The following CDC27 variants were observed in gnomAD, a reference collection of about 807,000 sequenced individuals.
CDC27 encodes cell division cycle 27.
In CDC27, 27 loss-of-function variants were observed where a neutral mutation model predicts 109.7. The ratio of observed to expected loss-of-function variants is 0.25; its 90% CI spans 0.18 to 0.34. The LOEUF is 0.34. Among genes scored for constraint, CDC27 ranks in the 10% least tolerant of loss-of-function variants. The pLI, the probability that CDC27 is intolerant of heterozygous loss-of-function variation, is 1.00. For missense variants in CDC27, 579 were observed against 960.2 expected, an observed-to-expected ratio of 0.60 and a Z score of 5.25; for synonymous variants, 266 against 333.9, an observed-to-expected ratio of 0.80 and a Z score of 2.22.
At chr17:47,159,623 A>G (rs1341763580) in intron 4 of CDC27, 2 of 463,424 alleles carry the variant, frequency 4.3e-6, no homozygotes, top group Non-Finnish European at 7.8e-6. Context: ...GGCCCTGCAG[A>G]TGGCAGTGGC....
chr17:47,128,483 G>A (rs1285196174), intron 16 of CDC27, among the ~76,000 whole-genome samples: 1 of 152,120 alleles, frequency 6.6e-6, no homozygotes, highest in South Asian at 2.1e-4. Flanking sequence ...ATTTGAAAAA[G>A]AGTGAGAAGT....
In CDC27 at chr17:47,120,768, G is replaced by T; in HGVS notation, c.*167C>A. 3 of 532,450 alleles carry T rather than the reference G, an allele frequency of 5.6e-6. No individual in the cohort carries two copies. Among genetic ancestry groups the T allele is most frequent in the Non-Finnish European group, 6.8e-6 (2 of 295,956 alleles). 33.0% of individuals were successfully genotyped at this position (532,450 alleles called of 1,614,324 possible). ...CTTGTTAGCAGCTAAATATTGCACT[G>T]CCTTTCATTCTGTATACAGTCAGGG... is the stretch of plus-strand genomic sequence containing the variant. On this transcript the variant is annotated 3_prime_UTR_variant, in exon 19 of 19. Coordinates refer to ENST00000066544, the MANE Select transcript of CDC27 (RefSeq NM_001256.6).
chr17:47,177,857 T>TACACAC (rs34596516), intron 2 of CDC27, among the ~76,000 whole-genome samples: 30 of 150,280 alleles, frequency 2.0e-4, no homozygotes, highest in Non-Finnish European at 2.4e-4. Flanking sequence ...TATGTGTGTG[T>TACACAC]ACACACACAC....
chr17:47,169,934 C>T lies in CDC27; in HGVS notation c.360G>A (p.Leu120=), dbSNP rs1326884033. 1 of 1,594,868 alleles carries T rather than the reference C, an allele frequency of 6.3e-7. No individual in the cohort carries two copies. The highest frequency in any genetic ancestry group is 8.5e-7 in the Non-Finnish European group (1 of 1,173,274). ...TTACTTACCAATATACATGTCCCAA[C>T]AATGAAAGAGTAAAGCAAGCTGAAT... is the stretch of plus-strand genomic sequence containing the variant. ...FGDSACFTLS[L]LGHVYCKTDR... Residue 120 remains leucine, a synonymous_variant, in exon 4 of 19, where the codon TTG becomes TTA. Coordinates refer to ENST00000066544, the MANE Select transcript of CDC27 (RefSeq NM_001256.6).
chr17:47,164,344 T>C (rs966538393), intron 4 of CDC27, among the ~76,000 whole-genome samples: 1 of 152,244 alleles, frequency 6.6e-6, no homozygotes, highest in Non-Finnish European at 1.5e-5. Flanking sequence ...CATGACTGTA[T>C]AACATATTTG....
intron 9 of CDC27, among the ~76,000 whole-genome samples, chr17:47,147,227 C>T (rs1330123125): frequency 2.6e-5 from 4 of 151,258 alleles, no homozygotes; most frequent in Admixed American, 1.3e-4. Context: ...GGTGAAACCC[C>T]GTCTCTACTA....
Position 47,181,650 on chromosome 17 carries a change from GA to G in CDC27, c.28-14del. 1.3e-6 allele frequency: 2 copies of G among 1,542,194 alleles called. No individual in the cohort carries two copies. Among genetic ancestry groups the G allele is most frequent in the Non-Finnish European group, 1.8e-6 (2 of 1,119,692 alleles). The stretch of plus-strand genomic sequence containing the variant: ...GCCATATAGCAGCCTGCAAATGGAG[GA>G]AAAAGAACATAAATATACATACATA... On this transcript the variant is annotated splice_polypyrimidine_tract_variant and intron_variant, in intron 1 of 18. Transcript: ENST00000066544.
At chr17:47,140,178 A>AT (rs2062752263) in intron 12 of CDC27, among the ~76,000 whole-genome samples, 1 of 152,188 alleles carries the variant, frequency 6.6e-6, no homozygotes, top group Non-Finnish European at 1.5e-5. Context: ...TAAAAGTTAT[A>AT]AAGGTAAGTG....
chr17:47,156,392 T>C (rs2063307024), intron 7 of CDC27, among the ~76,000 whole-genome samples: 1 of 151,812 alleles, frequency 6.6e-6, no homozygotes, highest in East Asian at 1.9e-4. Context: ...CCCACCTTGG[T>C]CTCCCAAAGT....
rs1473952577 is a variant in CDC27 at position 47,189,274 on chromosome 17, C to CG, written c.-103dup. ...ATTTAAACTCACCAGCGACCGTTACCGGGGGATGGGGGAGGCCGAGCGATT... is the reference window on the plus strand; with the variant it reads ...ATTTAAACTCACCAGCGACCGTTACCGGGGGGATGGGGGAGGCCGAGCGATT... On this transcript the variant is annotated 5_prime_UTR_variant, in exon 1 of 19. Coordinates refer to ENST00000066544, the MANE Select transcript of CDC27 (RefSeq NM_001256.6). 7 of 906,330 alleles carry CG rather than the reference C, an allele frequency of 7.7e-6. No individual in the cohort carries two copies. The South Asian group carries it at 8.0e-5, about 10-fold the overall frequency. The allele number at this position is 906,330 out of a possible 1,614,324, so 56.1% of individuals were successfully genotyped here. A position where few individuals can be genotyped will look rare whatever the true frequency, so the allele number is the denominator to read the frequency against.
chr17:47,176,007 G>A (rs1248575371), intron 2 of CDC27, among the ~76,000 whole-genome samples: 1 of 151,934 alleles, frequency 6.6e-6, no homozygotes, highest in Admixed American at 6.6e-5. Flanking sequence ...TTTTCATCCG[G>A]TAAGGACTAT....
At chr17:47,162,905 A>T (rs771618415) in intron 4 of CDC27, among the ~76,000 whole-genome samples, 13 of 152,240 alleles carry the variant, frequency 8.5e-5, no homozygotes, top group African/African-American at 3.1e-4. Context: ...TATAAATCAC[A>T]TAAGAGCTAA....
At chr17:47,160,864 A>G (rs1240609237) in intron 4 of CDC27, among the ~76,000 whole-genome samples, 1 of 152,210 alleles carries the variant, frequency 6.6e-6, no homozygotes, top group Non-Finnish European at 1.5e-5. Context: ...TTTTCAAGTG[A>G]GTAAAAACTA....
Position 47,133,028 on chromosome 17 carries a change from TACACACAC to T in CDC27, c.1914-662_1914-655del, listed in dbSNP as rs71138587. Among the ~76,000 whole-genome samples, 39 of 29,828 alleles carry T rather than the reference TACACACAC, an allele frequency of 1.3e-3. 1 individual carries two copies. The highest frequency in any genetic ancestry group is 3.2e-3 in the South Asian group (3 of 946). The allele number at this position is 29,828 out of a possible 152,430, so 19.6% of individuals were successfully genotyped here. ...ATATATATATATATATATATATATA[TACACACAC>T]ACACACACACACACACACATACATA... On this transcript the variant is annotated intron_variant, in intron 14 of 18. Transcript: ENST00000066544.
chr17:47,179,721 G>A (rs2064152384), intron 2 of CDC27, among the ~76,000 whole-genome samples: 1 of 152,062 alleles, frequency 6.6e-6, no homozygotes, highest in African/African-American at 2.4e-5. Flanking sequence ...CGAATGGTGA[G>A]GTTCTATATT....
intron 1 of CDC27, 80 bp downstream of exon 1, chr17:47,189,066 C>G (rs11079761): frequency 0.072 from 111,779 of 1,546,690 alleles, 4,513 homozygotes; most frequent in African/African-American, 0.12. Context: ...CTAGGCCGCA[C>G]CAGGCCGCGG....
chr17:47,188,764 A>T (rs1240928063), intron 1 of CDC27: 1 of 1,098,772 alleles, frequency 9.1e-7, no homozygotes, highest in Admixed American at 4.4e-5. Flanking sequence ...AGATCACACA[A>T]GCTCCGATCA....
intron 9 of CDC27, among the ~76,000 whole-genome samples, chr17:47,144,870 A>AACACACACACACACACACAC (rs1446223944): frequency 2.8e-5 from 3 of 106,884 alleles, no homozygotes; most frequent in African/African-American, 5.9e-5. Flanking sequence ...GTGTGTGTAT[A>AACACACACACACACACACAC]TCACACACAC....
chr17:47,126,982 C>A (rs113425487), intron 16 of CDC27, among the ~76,000 whole-genome samples: 14,250 of 152,072 alleles, frequency 0.094, 870 homozygotes, highest in Non-Finnish European at 0.13. Flanking sequence ...TCAGTAGAGA[C>A]AGGGTTTCAC....
Sources: gnomAD v4.1 joint callset for allele counts (sites outside exome capture counted in the v4.1 genomes callset) on GRCh38, gnomAD v4.1.1 for gene constraint, MANE v1.5 for transcripts, NCBI Gene and HGNC (gene_info 2026-07-23, HGNC 2026-07-21) for gene names.